Variants in EML4 observed in about 807,000 individuals in gnomAD.
EML4 encodes echinoderm microtubule-associated protein-like 4.
In EML4, 72 loss-of-function variants were observed where a neutral mutation model predicts 129.0. The ratio of observed to expected loss-of-function variants is 0.56; its 90% CI spans 0.46 to 0.68. The LOEUF (loss-of-function observed/expected upper bound fraction) is 0.68, where lower values mean the gene tolerates loss of function less well. Among genes scored for constraint, EML4 ranks in the 30% least tolerant of loss-of-function variants. EML4 has a pLI of 0.00. For synonymous variants in EML4, 532 were observed against 405.0 expected, an observed-to-expected ratio of 1.31 and a Z score of -3.77; for missense variants, 1,363 against 1,190.6, an observed-to-expected ratio of 1.14 and a Z score of -2.13.
chr2:42,250,526 A>G (rs936418808), intron 2 of EML4, among the ~76,000 whole-genome samples: 3 of 152,142 alleles, frequency 2.0e-5, no homozygotes, highest in Non-Finnish European at 4.4e-5. Flanking sequence ...TTGTGTGTAG[A>G]AGTATAGTCA....
In EML4 at chr2:42,330,736, CA is replaced by C; in HGVS notation, c.*531del. On this transcript the variant is annotated 3_prime_UTR_variant, in exon 23 of 23. Coordinates refer to ENST00000318522, the MANE Select transcript of EML4 (RefSeq NM_019063.5). ...TAATTAAGAAAAACTTCAGTTTTGC[CA>C]AGTGCAATGGTGTTGCCTTCTTTAA... The C allele has an allele frequency of 8.5e-6, 2 of 234,108 alleles. No homozygotes were observed. The highest frequency in any genetic ancestry group is 1.7e-5 in the Non-Finnish European group (2 of 116,758). 14.5% of individuals were successfully genotyped at this position (234,108 alleles called of 1,614,324 possible).
At chr2:42,193,878 A>G (rs575785170) in intron 1 of EML4, among the ~76,000 whole-genome samples, 6 of 152,154 alleles carry the variant, frequency 3.9e-5, no homozygotes, top group Admixed American at 1.3e-4. Flanking sequence ...TAGAGACAGG[A>G]TCTCACTATG....
chr2:42,284,724 C>CCA, intron 9 of EML4, 21 bp downstream of exon 9: 2 of 1,560,392 alleles, frequency 1.3e-6, no homozygotes, highest in Non-Finnish European at 1.8e-6. Flanking sequence ...TAGTGTTATG[C>CCA]CTTCTGTACC....
At position 42,263,432 on chromosome 2, in the gene EML4, G is replaced by T. The variant is rs572733941; in HGVS notation, c.641+126G>T. The T allele has an allele frequency of 1.4e-4, 117 of 860,206 alleles. No individual in the cohort carries two copies. In the African/African-American group the frequency reaches 2.4e-3, roughly 17 times the overall value. The allele number at this position is 860,206 out of a possible 1,614,324, so 53.3% of individuals were successfully genotyped here. A position where few individuals can be genotyped will look rare whatever the true frequency, so the allele number is the denominator to read the frequency against. ...TTTTTTTTTTTTTTTTTGTGACAGA[G>T]TCTTGCTCTGTCGCCAGGCTGGAGT... On this transcript the variant is annotated intron_variant, in intron 5 of 22. Coordinates refer to ENST00000318522, the MANE Select transcript of EML4 (RefSeq NM_019063.5).
rs758144544 is a variant in EML4, at chr2:42,295,495, A to C, written c.1468A>C (p.Thr490Pro). ...ATGGAGCAAAACTACTGTAGAGCCC[A>C]CACCTGGGAAAGGACCTAAAGGTAC... Reference protein sequence around the residue: ...LIWSKTTVEPTPGKGPKGVYQ... With the variant: ...LIWSKTTVEPPPGKGPKGVYQ... Residue 490 changes from threonine to proline, a missense_variant, in exon 13 of 23, where the codon ACA becomes CCA. Coordinates refer to ENST00000318522, the MANE Select transcript of EML4 (RefSeq NM_019063.5). The C allele has an allele frequency of 1.9e-6, 3 of 1,612,926 alleles. No individual in the cohort carries two copies. Among genetic ancestry groups the C allele is most frequent in the South Asian group, 2.2e-5 (2 of 90,700 alleles).
intron 1 of EML4, among the ~76,000 whole-genome samples, chr2:42,186,630 A>T (rs1671263951): frequency 6.6e-6 from 1 of 152,196 alleles, no homozygotes; most frequent in Non-Finnish European, 1.5e-5. Context: ...AAAACTGGGT[A>T]TACTCTGCTC....
Position 42,284,583 on chromosome 2 carries a change from T to C in EML4, c.942-51T>C, listed in dbSNP as rs769727300. 8.3e-6 allele frequency: 11 copies of C among 1,322,140 alleles called. No homozygotes were observed. The South Asian group carries it at 1.1e-4, about 13-fold the overall frequency. The allele number at this position is 1,322,140 out of a possible 1,614,324, so 81.9% of individuals were successfully genotyped here. A position where few individuals can be genotyped will look rare whatever the true frequency, so the allele number is the denominator to read the frequency against. On this transcript the variant is annotated intron_variant, in intron 8 of 22. Coordinates refer to ENST00000318522, the MANE Select transcript of EML4 (RefSeq NM_019063.5). The stretch of plus-strand genomic sequence containing the variant: ...GAAAAATGTCAGTACAAAGGTATTC[T>C]GTTGTTTCATGTTTCCTGTGTTTAA...
At chr2:42,213,490 T>A (rs559610805) in intron 1 of EML4, among the ~76,000 whole-genome samples, 1 of 152,202 alleles carries the variant, frequency 6.6e-6, no homozygotes. Context: ...AAAAATAAAA[T>A]AAAATGAACT....
chr2:42,241,217 T>C (rs1010886352), intron 1 of EML4, among the ~76,000 whole-genome samples: 2 of 152,018 alleles, frequency 1.3e-5, no homozygotes, highest in African/African-American at 4.8e-5. Context: ...AATGCACTAT[T>C]CTACCACAGC....
At chr2:42,249,693 G>A (rs542287053) in intron 2 of EML4, among the ~76,000 whole-genome samples, 10 of 152,114 alleles carry the variant, frequency 6.6e-5, no homozygotes, top group East Asian at 5.8e-4. Flanking sequence ...AATATATTTC[G>A]TTGTCTTAGT....
chr2:42,196,146 ACTT>A (rs1261753483), intron 1 of EML4, among the ~76,000 whole-genome samples: 1 of 152,224 alleles, frequency 6.6e-6, no homozygotes, highest in East Asian at 1.9e-4. Context: ...TTGTGCAAAT[ACTT>A]CTCTGAACCC....
chr2:42,316,767 AGTT>A (rs1669266465), intron 18 of EML4, among the ~76,000 whole-genome samples: 1 of 152,338 alleles, frequency 6.6e-6, no homozygotes, highest in African/African-American at 2.4e-5. Context: ...ATTGCTTCTC[AGTT>A]GTTTCAAAGG....
intron 16 of EML4, 41 bp from the exon 17 acceptor site, chr2:42,304,443 T>C (rs1457755724): frequency 6.5e-7 from 1 of 1,542,618 alleles, no homozygotes; most frequent in Non-Finnish European, 9.0e-7. Flanking sequence ...ATAGGGAGAC[T>C]TTCTCATGTA....
At chr2:42,274,598 A>C (rs138820994) in intron 6 of EML4, among the ~76,000 whole-genome samples, 2 of 152,188 alleles carry the variant, frequency 1.3e-5, no homozygotes, top group Non-Finnish European at 2.9e-5. Flanking sequence ...TGAACGATTA[A>C]TACTTTTTTA....
intron 1 of EML4, among the ~76,000 whole-genome samples, chr2:42,243,961 T>G (rs181415479): frequency 6.6e-6 from 1 of 152,318 alleles, no homozygotes; most frequent in Non-Finnish European, 1.5e-5. Flanking sequence ...AGCTCTTACA[T>G]TAGAATCTAA....
chr2:42,233,930 A>C (rs1022898098), intron 1 of EML4, among the ~76,000 whole-genome samples: 1 of 152,230 alleles, frequency 6.6e-6, no homozygotes, highest in Non-Finnish European at 1.5e-5. Flanking sequence ...TTAAGCTCTA[A>C]GCAATAGTAC....
chr2:42,255,910 T>A (rs1245833366), intron 2 of EML4, among the ~76,000 whole-genome samples: 1 of 152,242 alleles, frequency 6.6e-6, no homozygotes, highest in Non-Finnish European at 1.5e-5. Context: ...AAAAATGTTC[T>A]CTATTCCCAA....
chr2:42,327,201 T>C (rs1397213740), intron 21 of EML4, among the ~76,000 whole-genome samples: 2 of 152,238 alleles, frequency 1.3e-5, no homozygotes, highest in African/African-American at 4.8e-5. Flanking sequence ...GGCTGAGTAA[T>C]ATCCCATTGT....
At chr2:42,232,165 TC>T (rs1674387922) in intron 1 of EML4, among the ~76,000 whole-genome samples, 1 of 152,186 alleles carries the variant, frequency 6.6e-6, no homozygotes, top group Non-Finnish European at 1.5e-5. Context: ...ACAAGCTTTT[TC>T]CCTGAAATTA....
Sources: allele counts gnomAD v4.1 joint callset (sites outside exome capture counted in the v4.1 genomes callset), GRCh38; gene constraint gnomAD v4.1.1; transcripts MANE v1.5; gene names NCBI Gene and HGNC (gene_info 2026-07-23, HGNC 2026-07-21).